Variants in IRF6 observed in about 807,000 individuals in gnomAD.
The protein encoded by IRF6 is interferon regulatory factor 6.
A neutral mutation model predicts 51.4 loss-of-function variants in IRF6; 6 were observed. The ratio of observed to expected loss-of-function variants is 0.12; its 90% CI spans 0.06 to 0.23. The LOEUF is 0.23. IRF6 is among the 10% of genes least tolerant of loss of function. The pLI is 1.00. For missense variants in IRF6, 348 were observed against 585.2 expected (o/e 0.59, Z 4.18); for synonymous variants, 178 against 215.7 (o/e 0.83, Z 1.53).
In IRF6 at chr1:209,786,057, TAAGC is replaced by T. The variant is rs1223792213; in HGVS notation, c.*2359_*2362del. 1 of 152,138 alleles carries T rather than the reference TAAGC, an allele frequency of 6.6e-6. No individual in the cohort carries two copies. The highest frequency in any genetic ancestry group is 2.4e-5 in the African/African-American group (1 of 41,408). The allele number at this position is 152,138 out of a possible 1,614,324, so 9.4% of individuals were successfully genotyped here. ...CAAAATCTAACTCCCTTCTCAGTCT[TAAGC>T]AAGGTGAAGGCAAGGGAGTAGAAGA... is the stretch of plus-strand genomic sequence containing the variant. On this transcript the variant is annotated 3_prime_UTR_variant, in exon 9 of 9. Transcript: ENST00000367021.
rs2077874616 is a variant in IRF6, at chr1:209,792,393, G to A, written c.543C>T (p.Cys181=). 1 of 1,614,180 alleles carries A rather than the reference G, an allele frequency of 6.2e-7. No individual in the cohort carries two copies. The highest frequency in any genetic ancestry group is 8.5e-7 in the Non-Finnish European group (1 of 1,180,042). Residue 181 remains cysteine (C), a synonymous_variant, in exon 6 of 9, where the codon TGC becomes TGT. Coordinates refer to ENST00000367021, the MANE Select transcript of IRF6 (RefSeq NM_006147.4). ...CCTCCGGGCTGCAGTTGCCCACACTGCAATTGCCCACACTGGCTGGCGCCA... is the reference window on the plus strand; with the variant it reads ...CCTCCGGGCTGCAGTTGCCCACACTACAATTGCCCACACTGGCTGGCGCCA... ...SPMAPASVGN[C]SVGNCSPEAV... is the part of the protein sequence containing the mutation.
intron 3 of IRF6, among the ~76,000 whole-genome samples, chr1:209,800,256 C>G (rs180885187): frequency 2.0e-5 from 3 of 152,296 alleles, no homozygotes; most frequent in Admixed American, 2.0e-4. Context: ...ACAAGCCTGT[C>G]CACCTACTTC....
At chr1:209,805,126 G>C (rs1016392507) in intron 1 of IRF6, among the ~76,000 whole-genome samples, 9 of 127,606 alleles carry the variant, frequency 7.1e-5, no homozygotes, top group Admixed American at 3.7e-4. Flanking sequence ...CACACTCCTG[G>C]GTCAACACCA....
chr1:209,791,809 C>T (rs1475775899), intron 6 of IRF6, among the ~76,000 whole-genome samples: 2 of 152,230 alleles, frequency 1.3e-5, no homozygotes, highest in South Asian at 4.2e-4. Flanking sequence ...TGTTTTAGAT[C>T]ATGTCTCATT....
chr1:209,792,469 G>C, intron 5 of IRF6, 42 bp from the exon 6 acceptor site: 1 of 1,604,564 alleles, frequency 6.2e-7, no homozygotes, highest in East Asian at 2.2e-5. Context: ...GGTACCACAC[G>C]TGCACATCAC....
intron 4 of IRF6, among the ~76,000 whole-genome samples, chr1:209,795,751 T>G (rs1291090648): frequency 1.3e-5 from 2 of 152,220 alleles, no homozygotes; most frequent in Non-Finnish European, 2.9e-5. Flanking sequence ...AAAGAACTTA[T>G]TACCCTGATC....
intron 6 of IRF6, among the ~76,000 whole-genome samples, chr1:209,791,234 T>C (rs544095387): frequency 1.1e-3 from 175 of 152,344 alleles, no homozygotes; most frequent in Non-Finnish European, 2.1e-3. Context: ...AAAACTAAGG[T>C]ATCTTGTTTG....
chr1:209,788,429 A>T lies in IRF6; in HGVS notation c.1395T>A (p.Pro465=), dbSNP rs2077847285. Reference sequence around the variant, plus strand: ...AAGATGGCATTCACAATTACTGGGGAGGCAGGGCAGGGGGCAGTTGCATGC... The same window carrying T: ...AAGATGGCATTCACAATTACTGGGGTGGCAGGGCAGGGGGCAGTTGCATGC... ...TPSMQLPPAL[P]PQ Residue 465 remains proline, a synonymous_variant, in exon 9 of 9, where the codon CCT becomes CCA. Coordinates refer to ENST00000367021, the MANE Select transcript of IRF6 (RefSeq NM_006147.4). 1.3e-6 allele frequency: 2 copies of T among 1,597,490 alleles called. No individual in the cohort carries two copies. Among genetic ancestry groups the T allele is most frequent in the African/African-American group, 2.7e-5 (2 of 74,482 alleles).
In IRF6 at chr1:209,788,320, T is replaced by C; in HGVS notation, c.*100A>G. The C allele has an allele frequency of 1.3e-6, 1 of 789,238 alleles. No homozygotes were observed. The highest frequency in any genetic ancestry group is 2.7e-5 in the East Asian group (1 of 37,602). The allele number at this position is 789,238 out of a possible 1,614,324, so 48.9% of individuals were successfully genotyped here. ...GAGAATCACAAACTTCTAACACTGT[T>C]AGAGAAAAGAGAGATTTAAAAGCTG... On this transcript the variant is annotated 3_prime_UTR_variant, in exon 9 of 9. Transcript: ENST00000367021.
intron 4 of IRF6, 54 bp from the exon 5 acceptor site, chr1:209,795,472 CT>C: frequency 1.2e-6 from 2 of 1,609,890 alleles, no homozygotes; most frequent in Non-Finnish European, 1.7e-6. Context: ...ACTGCCACCC[CT>C]GCAGCTGACC....
chr1:209,803,136 A>T (rs1350723692), intron 1 of IRF6, among the ~76,000 whole-genome samples: 2 of 152,220 alleles, frequency 1.3e-5, no homozygotes, highest in Non-Finnish European at 2.9e-5. Flanking sequence ...CAAACCATGG[A>T]GTGCATTATA....
intron 5 of IRF6, among the ~76,000 whole-genome samples, chr1:209,794,336 G>A (rs1376704101): frequency 1.3e-5 from 2 of 152,182 alleles, no homozygotes; most frequent in Admixed American, 1.3e-4. Flanking sequence ...CATTGAACAT[G>A]TGGCAATATT....
At chr1:209,798,167 T>TC (rs2077915665) in intron 3 of IRF6, among the ~76,000 whole-genome samples, 1 of 127,822 alleles carries the variant, frequency 7.8e-6, no homozygotes, top group Admixed American at 9.1e-5. Flanking sequence ...GATTGTGGTA[T>TC]GGAATGAAGA....
At chr1:209,804,705 C>T (rs908626356) in intron 1 of IRF6, among the ~76,000 whole-genome samples, 44 of 152,178 alleles carry the variant, frequency 2.9e-4, no homozygotes, top group African/African-American at 1.1e-3. Flanking sequence ...CAGCCTCCTC[C>T]GAGCATAACT....
In IRF6 at chr1:209,796,316, G is replaced by A. The variant is rs768945614; in HGVS notation, c.379+32C>T. 2.5e-5 allele frequency: 40 copies of A among 1,588,584 alleles called. No individual in the cohort carries two copies. The Admixed American group carries it at 6.7e-4, about 26-fold the overall frequency. On this transcript the variant is annotated intron_variant, in intron 4 of 8. Transcript: ENST00000367021. The surrounding 1 kb of genome is among the most constrained non-coding windows in gnomAD (Gnocchi z 4.5). ...AGTGCAGCCCAGAATCTGGCATGCT[G>A]CCCACCTTCTCCCCAGCACCTGGGG...
At position 209,790,721 on chromosome 1, in the gene IRF6, A is replaced by C; in HGVS notation, c.834T>G (p.Gly278=). 13 of 1,614,140 alleles carry C rather than the reference A, an allele frequency of 8.1e-6. No individual in the cohort carries two copies. The highest frequency in any genetic ancestry group is 1.1e-5 in the Non-Finnish European group (13 of 1,180,024). The change falls in exon 7 of 9, where the codon GGT becomes GGG. Residue 278 remains glycine, a synonymous_variant. Transcript: ENST00000367021. The surrounding 1 kb of genome is among the most constrained non-coding windows in gnomAD (Gnocchi z 4.8). ...GCTTCTCATTGGTAATATGCTCAGG[A>C]CCTGGGAATTTGACCTGCTCCAGGC... ...PVSLEQVKFP[G]PEHITNEKQK...
chr1:209,801,183 CA>C lies in IRF6; in HGVS notation c.174+56del, dbSNP rs35878470. 180,501 of 1,017,542 alleles carry C rather than the reference CA, an allele frequency of 0.18. 124 individuals carry two copies. Among genetic ancestry groups the C allele is most frequent in the Non-Finnish European group, 0.19 (137,361 of 722,674 alleles). The allele number at this position is 1,017,542 out of a possible 1,614,324, so 63.0% of individuals were successfully genotyped here. On this transcript the variant is annotated intron_variant, in intron 3 of 8. Transcript: ENST00000367021. The stretch of plus-strand genomic sequence containing the variant: ...TTTAGATCTAGTGTATTCCCCATGC[CA>C]AAAAAAAAAAAAAAAAAAAATCCAG...
chr1:209,792,592 A>G, intron 5 of IRF6, 165 bp from the exon 6 acceptor site: 1 of 685,286 alleles, frequency 1.5e-6, no homozygotes, highest in South Asian at 1.8e-5. Flanking sequence ...GCAATAAGAA[A>G]TAAGGTTCCC....
chr1:209,788,701 C>A, intron 8 of IRF6, 57 bp from the exon 9 acceptor site: 1 of 1,370,490 alleles, frequency 7.3e-7, no homozygotes, highest in Non-Finnish European at 1.0e-6. Flanking sequence ...TTTTAAATAG[C>A]ACAATGGACC....
Sources: gnomAD v4.1 joint callset for allele counts (sites outside exome capture counted in the v4.1 genomes callset) on GRCh38, gnomAD v4.1.1 for gene constraint, Gnocchi (gnomAD v3.1) non-coding constraint, MANE v1.5 for transcripts, NCBI Gene and HGNC (gene_info 2026-07-23, HGNC 2026-07-21) for gene names.